The following LPP variants were observed in gnomAD, a reference collection of about 807,000 sequenced individuals.
LPP encodes the protein lipoma-preferred partner.
Under a neutral mutation model 60.4 loss-of-function variants are expected in LPP, and 38 were observed. The observed-to-expected ratio is 0.63, with a 90% CI of 0.49 to 0.83. The LOEUF (loss-of-function observed/expected upper bound fraction) is 0.83, where lower values mean the gene tolerates loss of function less well. Among genes scored for constraint, LPP ranks in the 40% least tolerant of loss-of-function variants. The pLI is 0.00. For synonymous variants in LPP, 328 were observed against 290.8 expected, an observed-to-expected ratio of 1.13 and a Z score of -1.30; for missense variants, 902 against 783.6, an observed-to-expected ratio of 1.15 and a Z score of -1.80.
chr3:188,770,838 C>G (rs1735710772), intron 9 of LPP, among the ~76,000 whole-genome samples: 1 of 152,122 alleles, frequency 6.6e-6, no homozygotes, highest in Non-Finnish European at 1.5e-5. Context: ...GCATTCTTCC[C>G]TTTACTTTTA....
intron 2 of LPP, among the ~76,000 whole-genome samples, chr3:188,299,367 A>G (rs1560216766): frequency 6.6e-6 from 1 of 152,326 alleles, no homozygotes; most frequent in East Asian, 1.9e-4. Context: ...GAGTCATTCC[A>G]AGACCAGGCA....
intron 7 of LPP, among the ~76,000 whole-genome samples, chr3:188,672,957 A>AT (rs1441812745): frequency 2.0e-5 from 3 of 146,800 alleles, no homozygotes; most frequent in African/African-American, 7.7e-5. Flanking sequence ...GTTTTCTTTT[A>AT]TTGTTTTTTT....
chr3:188,320,143 G>A (rs1184013961), intron 2 of LPP, among the ~76,000 whole-genome samples: 2 of 152,196 alleles, frequency 1.3e-5, no homozygotes, highest in Non-Finnish European at 1.5e-5. Flanking sequence ...TACTGGTGAT[G>A]TTAATTGTGA....
chr3:188,725,888 A>G (rs1227503178), intron 8 of LPP, among the ~76,000 whole-genome samples: 1 of 152,200 alleles, frequency 6.6e-6, no homozygotes, highest in African/African-American at 2.4e-5. Context: ...CAGGTAAGCC[A>G]TGAATTCAAG....
intron 6 of LPP, among the ~76,000 whole-genome samples, chr3:188,589,069 C>T (rs1461809569): frequency 6.6e-6 from 1 of 151,946 alleles, no homozygotes; most frequent in East Asian, 1.9e-4. Flanking sequence ...AAGCTCAGTG[C>T]CTTGTGCTGA....
At chr3:188,480,662 GC>G (rs2149621439) in intron 4 of LPP, among the ~76,000 whole-genome samples, 1 of 152,260 alleles carries the variant, frequency 6.6e-6, no homozygotes, top group South Asian at 2.1e-4. Flanking sequence ...TTAAAAGCTT[GC>G]CTGTACGTCT....
intron 4 of LPP, among the ~76,000 whole-genome samples, chr3:188,479,473 G>A (rs986096635): frequency 6.6e-6 from 1 of 152,210 alleles, no homozygotes; most frequent in Admixed American, 6.5e-5. Context: ...CATCTGAGAT[G>A]TACGAGTCAA....
intron 11 of LPP, among the ~76,000 whole-genome samples, chr3:188,873,515 CTT>C (rs946320073): frequency 1.8e-4 from 28 of 152,216 alleles, no homozygotes; most frequent in African/African-American, 6.7e-4. Context: ...TTATATAACA[CTT>C]TTCAAAATGG....
intron 6 of LPP, among the ~76,000 whole-genome samples, chr3:188,566,720 T>A (rs1832261545): frequency 6.6e-6 from 1 of 151,906 alleles, no homozygotes; most frequent in African/African-American, 2.4e-5. Context: ...TTTAATATCA[T>A]GCTTTGGGAT....
In LPP at chr3:188,474,310, G is replaced by T. The variant is rs531559139; in HGVS notation, c.194-10282G>T. On this transcript the variant is annotated intron_variant, in intron 4 of 11. Transcript: ENST00000617246. ...GGGAAACCAATAGTTATCCAATTAAGCTAACAAAGAGCAGAATATTGGCTG... is the reference window on the plus strand; with the variant it reads ...GGGAAACCAATAGTTATCCAATTAATCTAACAAAGAGCAGAATATTGGCTG... Among the ~76,000 whole-genome samples the T allele has an allele frequency of 6.6e-5, 10 of 152,042 alleles. No homozygotes were observed. The South Asian group carries it at 1.0e-3, about 16-fold the overall frequency.
chr3:188,682,953 T>C (rs1859853394), intron 7 of LPP, among the ~76,000 whole-genome samples: 1 of 152,042 alleles, frequency 6.6e-6, no homozygotes, highest in South Asian at 2.1e-4. Flanking sequence ...AGCACCTCTC[T>C]TTTTTCCTAT....
chr3:188,667,879 A>G (rs1475553114), intron 7 of LPP, among the ~76,000 whole-genome samples: 1 of 151,934 alleles, frequency 6.6e-6, no homozygotes, highest in Non-Finnish European at 1.5e-5. Context: ...CAAATAAAAG[A>G]TAGATTTCTC....
intron 2 of LPP, among the ~76,000 whole-genome samples, chr3:188,288,622 G>A (rs1744827248): frequency 6.6e-6 from 1 of 151,388 alleles, no homozygotes; most frequent in African/African-American, 2.4e-5. Context: ...ATCTACACCT[G>A]TCTATACACA....
intron 9 of LPP, among the ~76,000 whole-genome samples, chr3:188,784,222 A>G (rs569696225): frequency 5.9e-4 from 89 of 151,010 alleles, no homozygotes; most frequent in Middle Eastern, 3.5e-3. Context: ...ATAATTTCCA[A>G]TTTCATCCAG....
intron 2 of LPP, among the ~76,000 whole-genome samples, chr3:188,303,097 G>A (rs914978195): frequency 1.3e-5 from 2 of 152,088 alleles, no homozygotes; most frequent in African/African-American, 4.8e-5. Flanking sequence ...AACAAGGGAT[G>A]GTCAACTTTT....
intron 3 of LPP, among the ~76,000 whole-genome samples, chr3:188,373,407 T>C (rs1277698705): frequency 6.6e-6 from 1 of 152,224 alleles, no homozygotes; most frequent in Admixed American, 6.5e-5. Context: ...TTCTAACTGG[T>C]GTGAGATGGT....
At chr3:188,479,769 T>C (rs1437586323) in intron 4 of LPP, among the ~76,000 whole-genome samples, 1 of 152,168 alleles carries the variant, frequency 6.6e-6, no homozygotes, top group African/African-American at 2.4e-5. Flanking sequence ...TGTGTGTAGG[T>C]TTTATATGGA....
At chr3:188,435,582 G>C (rs954039145) in intron 4 of LPP, among the ~76,000 whole-genome samples, 1 of 152,046 alleles carries the variant, frequency 6.6e-6, no homozygotes, top group Non-Finnish European at 1.5e-5. Context: ...AATAATATCT[G>C]AATATGTTTC....
Position 188,522,932 on chromosome 3 carries a change from G to C in LPP, c.307-1733G>C, listed in dbSNP as rs139442431. ...CATATATGTATGTATGTTTGAGACA[G>C]AGTCTCGCTCTGTCATGTAGGCTGG... On this transcript the variant is annotated intron_variant, in intron 5 of 11. Coordinates refer to ENST00000617246, the MANE Select transcript of LPP (RefSeq NM_001375462.1). Among the ~76,000 whole-genome samples, 1,205 of 151,598 alleles carry C rather than the reference G, an allele frequency of 7.9e-3. 19 individuals carry two copies. The highest frequency in any genetic ancestry group is 0.027 in the African/African-American group (1,119 of 41,266).
Sources: gnomAD v4.1 joint callset for allele counts (sites outside exome capture counted in the v4.1 genomes callset) on GRCh38, gnomAD v4.1.1 for gene constraint, MANE v1.5 for transcripts, NCBI Gene and HGNC (gene_info 2026-07-23, HGNC 2026-07-21) for gene names.